Variants in BRD4 observed in about 807,000 individuals in gnomAD.
BRD4 encodes the protein bromodomain-containing protein 4.
BRD4 carries 16 observed loss-of-function variants against 142.1 expected under a neutral mutation model. That is an observed-to-expected ratio of 0.11 (90% CI 0.08 to 0.17). The LOEUF (loss-of-function observed/expected upper bound fraction) is 0.17, where lower values mean the gene tolerates loss of function less well. Ranked by LOEUF, BRD4 falls within the 10% of genes least tolerant of loss-of-function variation. BRD4 has a pLI of 1.00. For synonymous variants in BRD4, 833 were observed against 707.5 expected (o/e 1.18, Z -2.82); for missense variants, 1,424 against 1,810.9 (o/e 0.79, Z 3.88).
chr19:15,237,259 G>GT lies in BRD4; in HGVS notation c.*1117dup, dbSNP rs2047200547. The GT allele has an allele frequency of 1.3e-5, 1 of 77,132 alleles. No homozygotes were observed. Among genetic ancestry groups the GT allele is most frequent in the Non-Finnish European group, 2.3e-5 (1 of 42,872 alleles). 4.8% of individuals were successfully genotyped at this position (77,132 alleles called of 1,614,324 possible). The stretch of plus-strand genomic sequence containing the variant: ...CAACAAATGGGTGGGGGGGGGGGGG[G>GT]TGGAGGGGAAAGAAAAGAAATTGTA... On this transcript the variant is annotated 3_prime_UTR_variant, in exon 20 of 20. Coordinates refer to ENST00000679869, the MANE Select transcript of BRD4 (RefSeq NM_001379291.1).
chr19:15,280,042 A>C (rs1173486229), intron 1 of BRD4, among the ~76,000 whole-genome samples: 2 of 152,226 alleles, frequency 1.3e-5, no homozygotes, highest in Non-Finnish European at 2.9e-5. Flanking sequence ...AGAGCTCCAC[A>C]GGAGGTACCT....
At chr19:15,262,965 C>T (rs570170919) in intron 7 of BRD4, among the ~76,000 whole-genome samples, 1 of 152,296 alleles carries the variant, frequency 6.6e-6, no homozygotes, top group Admixed American at 6.5e-5. Context: ...TGACCCAGGA[C>T]CCCCAATCAG....
In BRD4 at chr19:15,242,995, C is replaced by G. The variant is rs2145510295; in HGVS notation, c.3074G>C (p.Gly1025Ala). The change falls in exon 14 of 20, where the codon GGC becomes GCC. Residue 1025 changes from glycine to alanine, a missense_variant. Gly to Ala is a moderately conservative substitution (Grantham distance 60). Around this residue, in one of 16 missense-constraint regions of BRD4, gnomAD observed 598 missense variants for 647.8 expected, o/e 0.92. Coordinates refer to ENST00000679869, the MANE Select transcript of BRD4 (RefSeq NM_001379291.1). ...QGQQPPHPPP[G>A]QQPPPPQPAK... ...AGGCTGCGGCGGGGGTGGCTGCTGG[C>G]CTGGGGGCGGATGGGGGGGCTGCTG... 1 of 1,398,914 alleles carries G rather than the reference C, an allele frequency of 7.1e-7. No individual in the cohort carries two copies. The highest frequency in any genetic ancestry group is 2.6e-4 in the Middle Eastern group (1 of 3,858). The allele number at this position is 1,398,914 out of a possible 1,614,324, so 86.7% of individuals were successfully genotyped here.
At chr19:15,276,324 G>A (rs998185139) in intron 1 of BRD4, among the ~76,000 whole-genome samples, 3 of 152,186 alleles carry the variant, frequency 2.0e-5, no homozygotes, top group Non-Finnish European at 4.4e-5. Flanking sequence ...GATTTGATAT[G>A]AGGTCAGCCT....
rs1259283923 is a variant in BRD4 at position 15,237,740 on chromosome 19, G to A, written c.*637C>T. 2 of 232,706 alleles carry A rather than the reference G, an allele frequency of 8.6e-6. No individual in the cohort carries two copies. Among genetic ancestry groups the A allele is most frequent in the African/African-American group, 2.2e-5 (1 of 45,276 alleles). The allele number at this position is 232,706 out of a possible 1,614,324, so 14.4% of individuals were successfully genotyped here. A position where few individuals can be genotyped will look rare whatever the true frequency, so the allele number is the denominator to read the frequency against. The stretch of plus-strand genomic sequence containing the variant: ...GCAGGACAGTCGCCTCGCTCCGGAT[G>A]CCATGGACACACACACCTCCACGGC... On this transcript the variant is annotated 3_prime_UTR_variant, in exon 20 of 20. Transcript: ENST00000679869.
At chr19:15,273,887 C>A (rs16980448) in intron 1 of BRD4, among the ~76,000 whole-genome samples, 5,477 of 146,190 alleles carry the variant, frequency 0.037, 276 homozygotes, top group African/African-American at 0.11. Context: ...CTGGGATGAA[C>A]TTTTAGTGGG....
At chr19:15,309,316 C>A (rs1232881299) in intron 1 of BRD4, among the ~76,000 whole-genome samples, 7 of 127,042 alleles carry the variant, frequency 5.5e-5, no homozygotes, top group African/African-American at 1.2e-4. Context: ...CCAGCCTGGG[C>A]GACAGAGCAA....
intron 2 of BRD4, among the ~76,000 whole-genome samples, chr19:15,270,025 T>G (rs1429599408): frequency 6.6e-6 from 1 of 152,338 alleles, no homozygotes; most frequent in East Asian, 1.9e-4. Flanking sequence ...CAGCTCAGGC[T>G]GTTGGCCTGA....
chr19:15,280,845 G>A (rs1428988290), intron 1 of BRD4, among the ~76,000 whole-genome samples: 1 of 152,182 alleles, frequency 6.6e-6, no homozygotes, highest in Non-Finnish European at 1.5e-5. Flanking sequence ...AAGAGGATGA[G>A]GGACCCTGAC....
intron 1 of BRD4, among the ~76,000 whole-genome samples, chr19:15,302,725 G>A (rs1419412591): frequency 6.7e-6 from 1 of 149,030 alleles, no homozygotes; most frequent in African/African-American, 2.5e-5. Flanking sequence ...GCTTTTCTGG[G>A]CCGGGCGCAG....
Position 15,286,656 on chromosome 19 carries a change from A to C in BRD4, c.-34-13523T>G, listed in dbSNP as rs546668155. 5.9e-5 allele frequency among the ~76,000 whole-genome samples: 9 copies of C among 152,354 alleles called. No individual in the cohort carries two copies. The South Asian group carries it at 1.9e-3, about 32-fold the overall frequency. ...ACAGTCACAGCACAATTCAGGTGCT[A>C]AATTTTCACCCAAAATATGTGATCT... On this transcript the variant is annotated intron_variant, in intron 1 of 19. Coordinates refer to ENST00000679869, the MANE Select transcript of BRD4 (RefSeq NM_001379291.1).
At chr19:15,270,427 A>G (rs1272010599) in intron 2 of BRD4, among the ~76,000 whole-genome samples, 2 of 152,204 alleles carry the variant, frequency 1.3e-5, no homozygotes, top group Non-Finnish European at 2.9e-5. Flanking sequence ...GGGAGACTGG[A>G]AGCAGACTAT....
intron 11 of BRD4, 88 bp downstream of exon 11, chr19:15,254,064 G>A (rs2145565321): frequency 1.8e-6 from 2 of 1,130,936 alleles, no homozygotes; most frequent in East Asian, 2.4e-5. Flanking sequence ...CCGTCTCTGG[G>A]CTCTAGCATC....
chr19:15,306,271 T>C (rs375839531), intron 1 of BRD4, among the ~76,000 whole-genome samples: 6 of 152,222 alleles, frequency 3.9e-5, no homozygotes, highest in Non-Finnish European at 8.8e-5. Context: ...AAATATGTTA[T>C]TGGCCTTTTA....
At position 15,244,583 on chromosome 19, in the gene BRD4, ATGG is replaced by A; in HGVS notation, c.2226_2228del (p.His743del). ...GAGCCGGGGCCTGCTGCATCTGCTG[ATGG>A]TGGTGATGATGGTGCTGCAGACAGA... On this transcript the variant is annotated inframe_deletion, in exon 13 of 20. Transcript: ENST00000679869. 3 of 1,610,288 alleles carry A rather than the reference ATGG, an allele frequency of 1.9e-6. No homozygotes were observed. The highest frequency in any genetic ancestry group is 2.5e-6 in the Non-Finnish European group (3 of 1,179,782).
chr19:15,310,212 C>CT (rs1161045544), intron 1 of BRD4, among the ~76,000 whole-genome samples: 3 of 79,618 alleles, frequency 3.8e-5, no homozygotes, highest in African/African-American at 9.7e-5. Context: ...TTTAAACAGT[C>CT]CTTTTTTTTT....
Position 15,269,074 on chromosome 19 carries a change from C to A in BRD4, c.286-32G>T, listed in dbSNP as rs777593309. On this transcript the variant is annotated intron_variant, in intron 2 of 19. Transcript: ENST00000679869. ...AGCAGAGAGCAAAAGTCCAGTGTCACCTAGGCAGCCAGGCAGCACAAACGC... is the reference window on the plus strand; with the variant it reads ...AGCAGAGAGCAAAAGTCCAGTGTCAACTAGGCAGCCAGGCAGCACAAACGC... The A allele has an allele frequency of 1.4e-5, 22 of 1,611,932 alleles. No homozygotes were observed. In the South Asian group the frequency reaches 2.4e-4, roughly 18 times the overall value.
At chr19:15,251,663 G>C (rs2047348744) in intron 11 of BRD4, among the ~76,000 whole-genome samples, 2 of 152,182 alleles carry the variant, frequency 1.3e-5, no homozygotes, top group Non-Finnish European at 2.9e-5. Context: ...GTCCTGTGCG[G>C]GACAGGGCAG....
chr19:15,331,025 G>C (rs577859145), intron 1 of BRD4, among the ~76,000 whole-genome samples: 1 of 152,060 alleles, frequency 6.6e-6, no homozygotes, highest in South Asian at 2.1e-4. Context: ...GGTAAGCAAA[G>C]ACATTCCAAT....
Sources: gnomAD v4.1 joint callset for allele counts (sites outside exome capture counted in the v4.1 genomes callset) on GRCh38, gnomAD v4.1.1 for gene constraint, gnomAD v4.1.1 regional missense constraint, MANE v1.5 for transcripts, NCBI Gene and HGNC (gene_info 2026-07-23, HGNC 2026-07-21) for gene names.